Variants in RSRC2 observed in about 807,000 individuals in gnomAD.
RSRC2 encodes arginine/serine-rich coiled-coil protein 2.
A neutral mutation model predicts 61.3 loss-of-function variants in RSRC2; 5 were observed. That is an observed-to-expected ratio of 0.08 (90% confidence interval 0.04 to 0.17). The LOEUF (loss-of-function observed/expected upper bound fraction) is 0.17. Ranked by LOEUF, RSRC2 falls within the 10% of genes least tolerant of loss-of-function variation. The pLI is 1.00. For synonymous variants in RSRC2, 202 were observed against 166.5 expected (o/e 1.21, Z -1.64); for missense variants, 381 against 518.8 (o/e 0.73, Z 2.58).
At chr12:122,515,034 T>A in intron 6 of RSRC2, 71 bp downstream of exon 6, 2 of 1,499,602 alleles carry the variant, frequency 1.3e-6, no homozygotes, top group Non-Finnish European at 1.8e-6. Flanking sequence ...CTGAAAGAAT[T>A]CATCTTATCC....
chr12:122,508,407 C>T lies in RSRC2; in HGVS notation c.846G>A (p.Leu282=), dbSNP rs1593360414. The change falls in exon 8 of 10, where the codon CTG becomes CTA. Residue 282 remains leucine (L), a synonymous_variant. Transcript: ENST00000331738. The part of the protein sequence containing the change: ...TGGSVLNVAA[L]LASGTQVTPQ... Reference sequence around the variant, plus strand: ...GTGTTACTTGTGTTCCTGATGCCAACAGGGCAGCAACATTGAGAACAGAAC... The same window carrying T: ...GTGTTACTTGTGTTCCTGATGCCAATAGGGCAGCAACATTGAGAACAGAAC... 2 of 1,614,140 alleles carry T rather than the reference C, an allele frequency of 1.2e-6. No individual in the cohort carries two copies. Among genetic ancestry groups the T allele is most frequent in the Non-Finnish European group, 1.7e-6 (2 of 1,180,028 alleles).
At chr12:122,520,579 A>G (rs1419466917) in intron 3 of RSRC2, 1 of 1,366,108 alleles carries the variant, frequency 7.3e-7, no homozygotes, top group South Asian at 1.1e-5. Flanking sequence ...GCGCATAAGC[A>G]CGCTGAGTAT....
chr12:122,514,648 C>A, intron 6 of RSRC2: 1 of 1,053,636 alleles, frequency 9.5e-7, no homozygotes. Context: ...AATAAATTAG[C>A]TTATAATGTA....
At chr12:122,525,354 C>T (rs983304313) in intron 1 of RSRC2, among the ~76,000 whole-genome samples, 1 of 152,076 alleles carries the variant, frequency 6.6e-6, no homozygotes, top group South Asian at 2.1e-4. Flanking sequence ...CCAGCCTGGG[C>T]GACAAGAGCA....
intron 1 of RSRC2, among the ~76,000 whole-genome samples, chr12:122,523,977 G>C (rs554950911): frequency 2.0e-4 from 30 of 152,164 alleles, no homozygotes; most frequent in Non-Finnish European, 3.7e-4. Context: ...AGAACAGTAA[G>C]AAATTAACTA....
intron 8 of RSRC2, 33 bp downstream of exon 8, chr12:122,508,185 T>C (rs777328339): frequency 1.3e-6 from 2 of 1,571,478 alleles, no homozygotes; most frequent in Admixed American, 1.7e-5. Context: ...TAATTAGGAA[T>C]AAACGACAGA....
intron 7 of RSRC2, among the ~76,000 whole-genome samples, chr12:122,510,907 G>T (rs1449060521): frequency 3.2e-5 from 2 of 62,640 alleles, no homozygotes; most frequent in Non-Finnish European, 5.9e-5. Context: ...AATTAGCCAT[G>T]CATGGTGATG....
chr12:122,524,747 T>A (rs890659702), intron 1 of RSRC2, among the ~76,000 whole-genome samples: 4 of 152,186 alleles, frequency 2.6e-5, no homozygotes, highest in Middle Eastern at 3.2e-3. Context: ...AGTAGCATAA[T>A]ACAGGTATCC....
chr12:122,518,066 G>A (rs1959064711), intron 4 of RSRC2, among the ~76,000 whole-genome samples: 1 of 152,106 alleles, frequency 6.6e-6, no homozygotes, highest in East Asian at 1.9e-4. Flanking sequence ...GGAGGCCAAG[G>A]CCGTCACACT....
At chr12:122,521,801 T>C (rs7307858) in intron 2 of RSRC2, among the ~76,000 whole-genome samples, 4,673 of 152,290 alleles carry the variant, frequency 0.031, 252 homozygotes, top group African/African-American at 0.11. Context: ...TTGAATTATA[T>C]TTGATATGTT....
chr12:122,514,882 A>T, intron 6 of RSRC2: 2 of 689,802 alleles, frequency 2.9e-6, no homozygotes, highest in Non-Finnish European at 2.2e-6. Context: ...GAAATCAGTT[A>T]AATCATGAAG....
chr12:122,516,179 G>T (rs1434079832), intron 5 of RSRC2, among the ~76,000 whole-genome samples: 1 of 150,280 alleles, frequency 6.7e-6, no homozygotes, highest in African/African-American at 2.4e-5. Flanking sequence ...CTTTTTAAAT[G>T]TATGTTTCAA....
intron 1 of RSRC2, among the ~76,000 whole-genome samples, chr12:122,525,721 T>C (rs936807591): frequency 6.6e-5 from 10 of 152,182 alleles, no homozygotes; most frequent in Non-Finnish European, 7.4e-5. Flanking sequence ...TCCGTCAGAA[T>C]TGGGTATCTT....
intron 7 of RSRC2, among the ~76,000 whole-genome samples, chr12:122,510,690 T>G (rs936413242): frequency 7.3e-5 from 11 of 149,932 alleles, no homozygotes; most frequent in African/African-American, 2.5e-4. Context: ...TGATGGGAAG[T>G]AGGAATCATA....
chr12:122,506,954 T>TA lies in RSRC2; in HGVS notation c.1036-32dup, dbSNP rs767670088. ...AACAAACACTGAACTTTAAAATATG[T>TA]AAAATTTAAATATTTTTTAGGACAT... On this transcript the variant is annotated intron_variant, in intron 8 of 9. Coordinates refer to ENST00000331738, the MANE Select transcript of RSRC2 (RefSeq NM_023012.6). The TA allele has an allele frequency of 8.1e-5, 99 of 1,218,852 alleles. 1 individual carries two copies. The South Asian group carries it at 1.2e-3, about 15-fold the overall frequency. 75.5% of individuals were successfully genotyped at this position (1,218,852 alleles called of 1,614,324 possible). A position where few individuals can be genotyped will look rare whatever the true frequency, so the allele number is the denominator to read the frequency against.
intron 1 of RSRC2, among the ~76,000 whole-genome samples, chr12:122,524,203 C>T (rs527496987): frequency 2.6e-4 from 40 of 152,244 alleles, no homozygotes; most frequent in South Asian, 6.2e-4. Flanking sequence ...ATAAATAATG[C>T]TGTATCATTA....
At position 122,504,177 on chromosome 12, in the gene RSRC2, CCT is replaced by C. The variant is rs1254611003; in HGVS notation, c.*1348_*1349del. 6.6e-6 allele frequency: 1 copy of C among 152,090 alleles called. No homozygotes were observed. The highest frequency in any genetic ancestry group is 1.5e-5 in the Non-Finnish European group (1 of 68,018). 9.4% of individuals were successfully genotyped at this position (152,090 alleles called of 1,614,324 possible). A position where few individuals can be genotyped will look rare whatever the true frequency, so the allele number is the denominator to read the frequency against. ...TGTCAATCTTATTCCTGTAGTCTTC[CCT>C]GATTGTAATGTGCTCTCATTCTGTG... On this transcript the variant is annotated 3_prime_UTR_variant, in exon 10 of 10. Transcript: ENST00000331738.
chr12:122,519,019 T>C lies in RSRC2; in HGVS notation c.218A>G (p.His73Arg), dbSNP rs762490167. Residue 73 changes from histidine (H) to arginine (R), a missense_variant, in exon 4 of 10, where the codon CAT becomes CGT. Physicochemically the swap from His to Arg is conservative, Grantham distance 29. Around this residue, in one of 4 missense-constraint regions of RSRC2, gnomAD observed 266 missense variants for 270.5 expected, o/e 0.98. Coordinates refer to ENST00000331738, the MANE Select transcript of RSRC2 (RefSeq NM_023012.6). The stretch of plus-strand genomic sequence containing the variant: ...CTTAGAGGATTTATCTTTGGATTCA[T>C]GTCTTCTTCCCTGTTTTAAGAAGAA... ...SRSRSKEGRR[H>R]ESKDKSSKKH... 6.2e-6 allele frequency: 10 copies of C among 1,613,216 alleles called. No homozygotes were observed. The highest frequency in any genetic ancestry group is 1.7e-5 in the Admixed American group (1 of 60,000).
chr12:122,522,396 A>C, intron 1 of RSRC2, 97 bp from the exon 2 acceptor site: 2 of 1,137,720 alleles, frequency 1.8e-6, no homozygotes, highest in South Asian at 1.7e-5. Flanking sequence ...ATAGCCCCCC[A>C]CAATCAATAA....
Sources: gnomAD v4.1 joint callset for allele counts (sites outside exome capture counted in the v4.1 genomes callset) on GRCh38, gnomAD v4.1.1 for gene constraint, gnomAD v4.1.1 regional missense constraint, MANE v1.5 for transcripts, NCBI Gene and HGNC (gene_info 2026-07-23, HGNC 2026-07-21) for gene names.